NXPH2: variants seen among roughly 807,000 people sequenced by gnomAD.
The protein encoded by NXPH2 is neurexophilin-2.
Under a neutral mutation model 19.8 loss-of-function variants are expected in NXPH2, and 5 were observed. That is an observed-to-expected ratio of 0.25 (90% CI 0.13 to 0.53). The LOEUF is 0.53. Among genes scored for constraint, NXPH2 ranks in the 20% least tolerant of loss-of-function variants. The pLI is 0.96. For synonymous variants in NXPH2, 154 were observed against 127.4 expected (o/e 1.21, Z -1.41); for missense variants, 289 against 322.8 (o/e 0.90, Z 0.80).
At chr2:138,739,233 C>T (rs969094175) in intron 1 of NXPH2, among the ~76,000 whole-genome samples, 3 of 152,078 alleles carry the variant, frequency 2.0e-5, no homozygotes, top group Non-Finnish European at 4.4e-5. Context: ...CACTGAATTC[C>T]ACATTAGACT....
chr2:138,712,150 T>A (rs949323705), intron 1 of NXPH2, among the ~76,000 whole-genome samples: 13 of 152,168 alleles, frequency 8.5e-5, no homozygotes, highest in Admixed American at 6.5e-5. Flanking sequence ...AACTGATGTG[T>A]GTGTGTGCAC....
intron 1 of NXPH2, among the ~76,000 whole-genome samples, chr2:138,745,980 A>T (rs537707852): frequency 6.6e-6 from 1 of 152,328 alleles, no homozygotes; most frequent in South Asian, 2.1e-4. Context: ...TGGTCAAAAT[A>T]GCCATCCACA....
intron 1 of NXPH2, among the ~76,000 whole-genome samples, chr2:138,723,222 T>A (rs1236448612): frequency 6.6e-6 from 1 of 152,126 alleles, no homozygotes; most frequent in Non-Finnish European, 1.5e-5. Context: ...CTCAAAGCCC[T>A]CATCCAAGGA....
At chr2:138,715,491 G>A (rs1172919174) in intron 1 of NXPH2, among the ~76,000 whole-genome samples, 1 of 152,126 alleles carries the variant, frequency 6.6e-6, no homozygotes, top group African/African-American at 2.4e-5. Context: ...ATAACAAAGT[G>A]AACATAACCC....
intron 1 of NXPH2, among the ~76,000 whole-genome samples, chr2:138,746,274 T>C (rs1681732680): frequency 6.6e-6 from 1 of 152,244 alleles, no homozygotes; most frequent in Non-Finnish European, 1.5e-5. Context: ...TATCTGCCTG[T>C]GCTTGTTCCC....
chr2:138,755,165 A>C (rs1681887290), intron 1 of NXPH2, among the ~76,000 whole-genome samples: 2 of 152,012 alleles, frequency 1.3e-5, no homozygotes. Context: ...CATTCTTTTA[A>C]TAGTGCTTTC....
intron 1 of NXPH2, among the ~76,000 whole-genome samples, chr2:138,741,112 C>T (rs1274847733): frequency 6.6e-6 from 1 of 152,086 alleles, no homozygotes; most frequent in Admixed American, 6.6e-5. Flanking sequence ...ACAGAAATTC[C>T]ACTTAACAGA....
intron 1 of NXPH2, among the ~76,000 whole-genome samples, chr2:138,776,418 C>T (rs189292283): frequency 2.2e-4 from 33 of 152,060 alleles, no homozygotes; most frequent in African/African-American, 7.5e-4. Context: ...GGAAGGCATT[C>T]ACAACTGGAC....
chr2:138,747,978 A>G (rs931580834), intron 1 of NXPH2, among the ~76,000 whole-genome samples: 1 of 152,048 alleles, frequency 6.6e-6, no homozygotes, highest in African/African-American at 2.4e-5. Context: ...TTCTGGACTT[A>G]TTTCTCCAGG....
chr2:138,680,361 CCA>C (rs1680554614), intron 1 of NXPH2, among the ~76,000 whole-genome samples: 1 of 152,104 alleles, frequency 6.6e-6, no homozygotes, highest in South Asian at 2.1e-4. Flanking sequence ...ATACTGCACC[CCA>C]GAGAAGTGAG....
intron 1 of NXPH2, among the ~76,000 whole-genome samples, chr2:138,767,051 C>A (rs113790860): frequency 0.054 from 8,222 of 152,204 alleles, 306 homozygotes; most frequent in South Asian, 0.086. Flanking sequence ...CCCACTTTTA[C>A]CTCTTGTATT....
At position 138,670,846 on chromosome 2, in the gene NXPH2, A is replaced by G; in HGVS notation, c.*76T>C. 1 of 1,464,482 alleles carries G rather than the reference A, an allele frequency of 6.8e-7. No homozygotes were observed. Among genetic ancestry groups the G allele is most frequent in the South Asian group, 1.4e-5 (1 of 72,362 alleles). 90.7% of individuals were successfully genotyped at this position (1,464,482 alleles called of 1,614,324 possible). A position where few individuals can be genotyped will look rare whatever the true frequency, so the allele number is the denominator to read the frequency against. On this transcript the variant is annotated 3_prime_UTR_variant, in exon 2 of 2. Transcript: ENST00000272641. ...CCAGAAACAAAAGGGATCCTTTATCATAAAGAGCTGGGCTTGTTTCTTTGT... is the reference window on the plus strand; with the variant it reads ...CCAGAAACAAAAGGGATCCTTTATCGTAAAGAGCTGGGCTTGTTTCTTTGT...
At position 138,685,505 on chromosome 2, in the gene NXPH2, G is replaced by T. The variant is rs368680002; in HGVS notation, c.52-13840C>A. Reference sequence around the variant, plus strand: ...TGTCCCAATAAACTCAATTTAAGTTGAAGATATCATAAATTGAAAATGCAT... The same window carrying T: ...TGTCCCAATAAACTCAATTTAAGTTTAAGATATCATAAATTGAAAATGCAT... On this transcript the variant is annotated intron_variant, in intron 1 of 1. Coordinates refer to ENST00000272641, the MANE Select transcript of NXPH2 (RefSeq NM_007226.3). Among the ~76,000 whole-genome samples, 25 of 152,270 alleles carry T rather than the reference G, an allele frequency of 1.6e-4. No homozygotes were observed. The East Asian group carries it at 3.3e-3, about 20-fold the overall frequency.
intron 1 of NXPH2, among the ~76,000 whole-genome samples, chr2:138,777,402 A>G (rs1284235456): frequency 6.6e-6 from 1 of 152,096 alleles, no homozygotes; most frequent in Non-Finnish European, 1.5e-5. Context: ...AGCTATAGCA[A>G]CCTGTCTGTT....
At chr2:138,776,186 T>C (rs1682259901) in intron 1 of NXPH2, among the ~76,000 whole-genome samples, 2 of 152,096 alleles carry the variant, frequency 1.3e-5, no homozygotes. Context: ...CATTTCTTAA[T>C]ACATTTGATT....
At chr2:138,731,270 T>C (rs1229830459) in intron 1 of NXPH2, among the ~76,000 whole-genome samples, 1 of 152,190 alleles carries the variant, frequency 6.6e-6, no homozygotes, top group Non-Finnish European at 1.5e-5. Context: ...GAGTTCAGTA[T>C]TGCTGTGTTC....
chr2:138,674,478 G>T (rs528052038), intron 1 of NXPH2, among the ~76,000 whole-genome samples: 2 of 152,170 alleles, frequency 1.3e-5, no homozygotes, highest in South Asian at 4.1e-4. Context: ...TACAGATGAG[G>T]TCTTGTTATG....
chr2:138,746,344 G>A (rs1342060584), intron 1 of NXPH2, among the ~76,000 whole-genome samples: 1 of 152,222 alleles, frequency 6.6e-6, no homozygotes, highest in Admixed American at 6.5e-5. Context: ...GTCCTGTGAA[G>A]CGGCAGTTCA....
At chr2:138,730,468 C>G (rs1681430959) in intron 1 of NXPH2, among the ~76,000 whole-genome samples, 1 of 152,154 alleles carries the variant, frequency 6.6e-6, no homozygotes, top group African/African-American at 2.4e-5. Flanking sequence ...GCCCATAGCA[C>G]TTCTGAGGTG....
Sources: gnomAD v4.1 joint callset for allele counts (sites outside exome capture counted in the v4.1 genomes callset) on GRCh38, gnomAD v4.1.1 for gene constraint, MANE v1.5 for transcripts, NCBI Gene and HGNC (gene_info 2026-07-23, HGNC 2026-07-21) for gene names.